Variants in NAV2 observed in about 807,000 individuals in gnomAD.
NAV2 encodes neuron navigator 2.
A neutral mutation model predicts 223.2 loss-of-function variants in NAV2; 54 were observed. That is an observed-to-expected ratio of 0.24 (90% CI 0.19 to 0.30). The LOEUF (loss-of-function observed/expected upper bound fraction) is 0.30. NAV2 is among the 10% of genes least tolerant of loss of function. The probability of loss-of-function intolerance (pLI) is 1.00; values close to 1 mark genes in which losing one functional copy is unlikely to be tolerated. For synonymous variants in NAV2, 1,279 were observed against 1,239.3 expected, an observed-to-expected ratio of 1.03 and a Z score of -0.67; for missense variants, 2,806 against 3,147.5, an observed-to-expected ratio of 0.89 and a Z score of 2.60.
At chr11:19,698,825 AG>A (rs2049422844) in intron 1 of NAV2, among the ~76,000 whole-genome samples, 1 of 152,150 alleles carries the variant, frequency 6.6e-6, no homozygotes, top group African/African-American at 2.4e-5. Context: ...TGTGAGAGAG[AG>A]AGAGTGTGTG....
intron 1 of NAV2, among the ~76,000 whole-genome samples, chr11:19,635,731 G>A (rs1272652088): frequency 6.6e-6 from 1 of 152,156 alleles, no homozygotes; most frequent in African/African-American, 2.4e-5. Flanking sequence ...TCTTTTGGGA[G>A]GGCATTAATT....
At chr11:19,908,244 G>A (rs1455770348) in intron 6 of NAV2, among the ~76,000 whole-genome samples, 4 of 152,182 alleles carry the variant, frequency 2.6e-5, no homozygotes, top group Non-Finnish European at 4.4e-5. Context: ...CCTTTTGGAT[G>A]AGCTTAACTA....
intron 17 of NAV2, among the ~76,000 whole-genome samples, chr11:20,052,104 C>A (rs1030127240): frequency 6.6e-6 from 1 of 152,248 alleles, no homozygotes; most frequent in Admixed American, 6.5e-5. Flanking sequence ...GCCGTCATTT[C>A]TTCTGCTTTC....
chr11:19,351,886 A>C (rs1342112222), intron 1 of NAV2, among the ~76,000 whole-genome samples: 1 of 146,850 alleles, frequency 6.8e-6, no homozygotes, highest in Admixed American at 6.8e-5. Flanking sequence ...CCTGAGTCTC[A>C]AAGATTGACT....
intron 11 of NAV2, among the ~76,000 whole-genome samples, chr11:20,011,661 A>G (rs117765653): frequency 6.6e-6 from 1 of 152,186 alleles, no homozygotes; most frequent in Admixed American, 6.5e-5. Context: ...TATAGTCTTT[A>G]ATTTTAATTA....
intron 1 of NAV2, among the ~76,000 whole-genome samples, chr11:19,457,966 G>T (rs780391188): frequency 2.0e-4 from 30 of 152,164 alleles, no homozygotes; most frequent in Non-Finnish European, 4.1e-4. Flanking sequence ...AAGAAAGATG[G>T]CAGGGGGTCC....
chr11:19,485,719 C>T (rs992404707), intron 1 of NAV2, among the ~76,000 whole-genome samples: 1 of 137,418 alleles, frequency 7.3e-6, no homozygotes. Flanking sequence ...ATGGGAGGAT[C>T]TATTAAGGAT....
intron 11 of NAV2, among the ~76,000 whole-genome samples, chr11:20,000,889 A>C (rs7114900): frequency 0.14 from 21,145 of 152,072 alleles, 1,870 homozygotes; most frequent in East Asian, 0.32. Flanking sequence ...TCTCACTGCT[A>C]CTGTCCTGCT....
chr11:19,523,257 C>G (rs374341665), intron 1 of NAV2, among the ~76,000 whole-genome samples: 342 of 152,340 alleles, frequency 2.2e-3, no homozygotes, highest in African/African-American at 7.8e-3. Flanking sequence ...TCCTGTGTGC[C>G]TTTCACATGC....
chr11:19,988,824 C>A (rs1237761767), intron 11 of NAV2, among the ~76,000 whole-genome samples: 1 of 152,148 alleles, frequency 6.6e-6, no homozygotes, highest in Non-Finnish European at 1.5e-5. Context: ...ACTCCAAGAG[C>A]CCAGGACACT....
chr11:20,027,590 C>T (rs1034460191), intron 11 of NAV2: 1 of 369,700 alleles, frequency 2.7e-6, no homozygotes, highest in Non-Finnish European at 3.7e-6. Flanking sequence ...CTCCTGGAAG[C>T]AGACCCAGCC....
chr11:20,079,968 C>T (rs2059989019), intron 24 of NAV2, 96 bp from the exon 25 acceptor site: 1 of 1,408,028 alleles, frequency 7.1e-7, no homozygotes, highest in South Asian at 1.3e-5. Flanking sequence ...ACCCAGTAGT[C>T]CTCAGGTGGG....
chr11:19,810,206 G>A (rs527392495), intron 1 of NAV2, among the ~76,000 whole-genome samples: 3 of 152,138 alleles, frequency 2.0e-5, no homozygotes, highest in Non-Finnish European at 4.4e-5. Flanking sequence ...ATTATTTTGA[G>A]CTTGGTCAGC....
chr11:20,098,778 G>A (rs2061444979), intron 31 of NAV2, among the ~76,000 whole-genome samples: 1 of 152,202 alleles, frequency 6.6e-6, no homozygotes, highest in African/African-American at 2.4e-5. Context: ...AAAAGTAGCT[G>A]TAACAAAAAA....
At chr11:19,727,194 C>T (rs1200892209) in intron 1 of NAV2, among the ~76,000 whole-genome samples, 7 of 152,182 alleles carry the variant, frequency 4.6e-5, no homozygotes, top group African/African-American at 1.7e-4. Context: ...GGGAGTGCAG[C>T]AGTAATTAGA....
At chr11:19,582,785 G>C (rs1021604751) in intron 1 of NAV2, among the ~76,000 whole-genome samples, 2 of 152,162 alleles carry the variant, frequency 1.3e-5, no homozygotes, top group Non-Finnish European at 2.9e-5. Flanking sequence ...AGTATAGTTT[G>C]AAGTCAGGTA....
At chr11:19,942,048 G>T (rs1285127658) in intron 8 of NAV2, among the ~76,000 whole-genome samples, 1 of 152,182 alleles carries the variant, frequency 6.6e-6, no homozygotes, top group Non-Finnish European at 1.5e-5. Flanking sequence ...CTAGTGGCTT[G>T]AGGTAGAGCC....
chr11:19,941,216 C>A (rs1391582600), intron 8 of NAV2, among the ~76,000 whole-genome samples: 2 of 152,034 alleles, frequency 1.3e-5, no homozygotes, highest in African/African-American at 4.8e-5. Flanking sequence ...TTTTTATCTC[C>A]ATGTCTCCCC....
intron 1 of NAV2, among the ~76,000 whole-genome samples, chr11:19,736,087 G>A (rs571920601): frequency 6.6e-6 from 1 of 152,204 alleles, no homozygotes; most frequent in African/African-American, 2.4e-5. Flanking sequence ...TCCGTGGAGG[G>A]TTGTGACAGT....
Sources: allele counts gnomAD v4.1 joint callset (sites outside exome capture counted in the v4.1 genomes callset), GRCh38; gene constraint gnomAD v4.1.1; transcripts MANE v1.5; gene names NCBI Gene and HGNC (gene_info 2026-07-23, HGNC 2026-07-21).